The following ADGRB3 variants were observed in gnomAD, a reference collection of about 807,000 sequenced individuals.
The protein encoded by ADGRB3 is adhesion G protein-coupled receptor B3, also known as brain-specific angiogenesis inhibitor 3.
A neutral mutation model predicts 193.4 loss-of-function variants in ADGRB3; 37 were observed. The observed-to-expected ratio is 0.19, with a 90% CI of 0.15 to 0.25. ADGRB3 has a LOEUF of 0.25. ADGRB3 is among the 10% of genes least tolerant of loss of function. ADGRB3 has a pLI of 1.00. For synonymous variants in ADGRB3, 690 were observed against 644.2 expected, an observed-to-expected ratio of 1.07 and a Z score of -1.08; for missense variants, 1,637 against 1,852.9, an observed-to-expected ratio of 0.88 and a Z score of 2.14.
At chr6:68,868,630 T>C (rs1446585985) in intron 3 of ADGRB3, among the ~76,000 whole-genome samples, 2 of 152,166 alleles carry the variant, frequency 1.3e-5, no homozygotes, top group Non-Finnish European at 2.9e-5. Context: ...AAAATACCTA[T>C]TTTGAAGGGA....
intron 12 of ADGRB3, among the ~76,000 whole-genome samples, chr6:69,015,036 T>C (rs1770049513): frequency 6.6e-6 from 1 of 151,778 alleles, no homozygotes; most frequent in South Asian, 2.1e-4. Flanking sequence ...ACCCTTATTT[T>C]AATACTTTAA....
chr6:68,841,970 A>G (rs1191617379), intron 3 of ADGRB3, among the ~76,000 whole-genome samples: 3 of 152,036 alleles, frequency 2.0e-5, no homozygotes, highest in Non-Finnish European at 4.4e-5. Flanking sequence ...CAGGATGTCT[A>G]TAGTCAATAA....
intron 17 of ADGRB3, among the ~76,000 whole-genome samples, chr6:69,097,161 G>T (rs1005516751): frequency 6.6e-6 from 1 of 152,168 alleles, no homozygotes; most frequent in Non-Finnish European, 1.5e-5. Context: ...AAGAAAGGTC[G>T]TGTTGATGCC....
intron 17 of ADGRB3, among the ~76,000 whole-genome samples, chr6:69,195,835 C>CT (rs977347478): frequency 3.3e-5 from 5 of 152,100 alleles, no homozygotes; most frequent in African/African-American, 7.2e-5. Flanking sequence ...AAATCAATTC[C>CT]TTTTTTTATA....
chr6:69,010,773 TAAAA>T (rs10579619), intron 11 of ADGRB3, among the ~76,000 whole-genome samples: 6 of 136,132 alleles, frequency 4.4e-5, no homozygotes, highest in Non-Finnish European at 6.3e-5. Context: ...CAAGGCTGAC[TAAAA>T]AAAAAAAAAA....
intron 3 of ADGRB3, among the ~76,000 whole-genome samples, chr6:68,929,394 A>G (rs1240376545): frequency 1.3e-5 from 2 of 152,210 alleles, no homozygotes; most frequent in Admixed American, 1.3e-4. Flanking sequence ...TTATGTGAGG[A>G]TTTGGTAGGA....
At chr6:69,089,585 T>C (rs1406776836) in intron 17 of ADGRB3, among the ~76,000 whole-genome samples, 1 of 152,226 alleles carries the variant, frequency 6.6e-6, no homozygotes, top group East Asian at 1.9e-4. Context: ...TAAAAACTTA[T>C]TGCTGATAAA....
At chr6:68,675,707 A>T (rs891856834) in intron 3 of ADGRB3, among the ~76,000 whole-genome samples, 2 of 152,182 alleles carry the variant, frequency 1.3e-5, no homozygotes, top group Admixed American at 6.5e-5. Flanking sequence ...CCAGGGCACC[A>T]GCTTCTCCAG....
intron 20 of ADGRB3, among the ~76,000 whole-genome samples, chr6:69,240,098 A>G (rs1766353206): frequency 6.6e-6 from 1 of 152,036 alleles, no homozygotes; most frequent in African/African-American, 2.4e-5. Context: ...GGTTCTTTTC[A>G]TGTATTATAT....
At chr6:69,133,589 AC>A (rs778501678) in intron 17 of ADGRB3, among the ~76,000 whole-genome samples, 5 of 152,106 alleles carry the variant, frequency 3.3e-5, no homozygotes, top group Non-Finnish European at 7.4e-5. Context: ...AACAATAGAA[AC>A]ATAGGGACTC....
chr6:69,090,794 T>A (rs1285854073), intron 17 of ADGRB3, among the ~76,000 whole-genome samples: 3 of 152,206 alleles, frequency 2.0e-5, no homozygotes, highest in African/African-American at 7.2e-5. Flanking sequence ...ATTGTTTGGA[T>A]TGATTGCAAC....
chr6:69,309,781 C>T (rs1192656690), intron 20 of ADGRB3, among the ~76,000 whole-genome samples: 2 of 151,568 alleles, frequency 1.3e-5, no homozygotes, highest in Admixed American at 1.3e-4. Context: ...CTCTTTCTTG[C>T]TCCAATACTA....
intron 28 of ADGRB3, among the ~76,000 whole-genome samples, chr6:69,358,873 G>C (rs1769386495): frequency 6.6e-6 from 1 of 151,610 alleles, no homozygotes. Context: ...CTCTCGTATA[G>C]AGCAGCCACT....
intron 20 of ADGRB3, among the ~76,000 whole-genome samples, chr6:69,249,461 G>A (rs1288838591): frequency 1.3e-5 from 2 of 152,220 alleles, no homozygotes; most frequent in East Asian, 1.9e-4. Flanking sequence ...AGACAACAAA[G>A]CTGGCTGGCT....
At chr6:68,889,778 A>C (rs1766020837) in intron 3 of ADGRB3, among the ~76,000 whole-genome samples, 1 of 152,204 alleles carries the variant, frequency 6.6e-6, no homozygotes, top group Non-Finnish European at 1.5e-5. Flanking sequence ...CTGGGATTAC[A>C]GGCGTGAGCC....
At chr6:68,927,150 C>A (rs1476765450) in intron 3 of ADGRB3, among the ~76,000 whole-genome samples, 1 of 151,646 alleles carries the variant, frequency 6.6e-6, no homozygotes, top group Non-Finnish European at 1.5e-5. Flanking sequence ...TATTCATAAA[C>A]CATGTACCAT....
chr6:69,175,637 T>C (rs2150349435), intron 17 of ADGRB3, among the ~76,000 whole-genome samples: 2 of 152,312 alleles, frequency 1.3e-5, no homozygotes, highest in South Asian at 4.1e-4. Context: ...TTCTTTGGTT[T>C]CATATGACTT....
chr6:68,875,040 CTCCT>C (rs72049013), intron 3 of ADGRB3, among the ~76,000 whole-genome samples: 9,143 of 132,602 alleles, frequency 0.069, 621 homozygotes, highest in African/African-American at 0.12. Context: ...TCTTTCTTTC[CTCCT>C]TCCTTCCTTC....
intron 3 of ADGRB3, among the ~76,000 whole-genome samples, chr6:68,850,203 C>T (rs935373085): frequency 9.9e-5 from 15 of 151,488 alleles, no homozygotes; most frequent in African/African-American, 3.6e-4. Context: ...CATGGATTCT[C>T]GATTGCTCTG....
Sources: allele counts gnomAD v4.1 joint callset (sites outside exome capture counted in the v4.1 genomes callset), GRCh38; gene constraint gnomAD v4.1.1; transcripts MANE v1.5; gene names NCBI Gene and HGNC (gene_info 2026-07-23, HGNC 2026-07-21).